The following ABCA7 variants were observed in gnomAD, a reference collection of about 807,000 sequenced individuals.
ABCA7 encodes phospholipid-transporting ATPase ABCA7.
ABCA7 carries 261 observed loss-of-function variants against 227.6 expected under a neutral mutation model. The observed-to-expected ratio is 1.15, with a 90% confidence interval of 1.04 to 1.27. The LOEUF (loss-of-function observed/expected upper bound fraction) is 1.27, where lower values mean the gene tolerates loss of function less well. Ranked by LOEUF, ABCA7 falls within the 50% of genes most tolerant of loss-of-function variation. The pLI, the probability that ABCA7 is intolerant of heterozygous loss-of-function variation, is 0.00. For missense variants in ABCA7, 3,331 were observed against 2,924.5 expected, an observed-to-expected ratio of 1.14 and a Z score of -3.21; for synonymous variants, 1,488 against 1,279.7, an observed-to-expected ratio of 1.16 and a Z score of -3.47.
intron 17 of ABCA7, 55 bp downstream of exon 17, chr19:1,049,060 C>G (rs1047459774): frequency 3.1e-5 from 32 of 1,037,584 alleles, no homozygotes; most frequent in Non-Finnish European, 4.1e-5. Context: ...AGTTCCCCCC[C>G]AAAACGAGAT....
Position 1,042,732 on chromosome 19 carries a change from G to A in ABCA7, c.499-14G>A, listed in dbSNP as rs1269022877. ...GTTCAAAATCATTGTCCCCCTTGTG[G>A]TCTTTCTCCCCAGGAATCCCTGGGG... On this transcript the variant is annotated splice_polypyrimidine_tract_variant and intron_variant, in intron 6 of 46. Coordinates refer to ENST00000263094, the MANE Select transcript of ABCA7 (RefSeq NM_019112.4). 6.2e-7 allele frequency: 1 copy of A among 1,613,100 alleles called. No individual in the cohort carries two copies. Among genetic ancestry groups the A allele is most frequent in the African/African-American group, 1.3e-5 (1 of 74,916 alleles).
chr19:1,062,974 C>T (rs112387446), intron 42 of ABCA7, among the ~76,000 whole-genome samples: 1 of 131,226 alleles, frequency 7.6e-6, no homozygotes, highest in Non-Finnish European at 1.6e-5. Flanking sequence ...ATGCTGGCTC[C>T]ACCCACACCA....
chr19:1,045,146 A>G lies in ABCA7; in HGVS notation c.1360A>G (p.Thr454Ala), dbSNP rs981675380. Residue 454 changes from threonine to alanine, a missense_variant, in exon 12 of 47, where the codon ACC (threonine) becomes GCC (alanine). By Grantham distance (58) the Thr-to-Ala change is moderately conservative (BLOSUM62 0). Transcript: ENST00000263094. ...CTCTTCAGACCCCACAGAGCACCCA[A>G]CCCCAGACCTGGGCCCCGGCCACGT... ...EDSSDPTEHP[T>A]PDLGPGHVRI... 4 of 1,611,948 alleles carry G rather than the reference A, an allele frequency of 2.5e-6. No individual in the cohort carries two copies. The African/African-American group carries it at 4.0e-5, about 16-fold the overall frequency.
Position 1,056,167 on chromosome 19 carries a change from C to G in ABCA7, c.4340C>G (p.Pro1447Arg), listed in dbSNP as rs765567904. 6.2e-7 allele frequency: 1 copy of G among 1,608,926 alleles called. No individual in the cohort carries two copies. The highest frequency in any genetic ancestry group is 2.2e-5 in the East Asian group (1 of 44,868). Residue 1447 changes from proline to arginine, a missense_variant, in exon 32 of 47, where the codon CCT (proline) becomes CGT (arginine). Coordinates refer to ENST00000263094, the MANE Select transcript of ABCA7 (RefSeq NM_019112.4). The surrounding 1 kb of genome is among the most constrained non-coding windows in gnomAD (Gnocchi z 4.3). ...EELWALLSPL[P>R]GGALDRVLKN... ...TTGTGGGCGCTGCTGAGTCCCCTGC[C>G]TGGCGGGGCCCTCGACCGTGTCCTG...
chr19:1,044,219 C>T lies in ABCA7; in HGVS notation c.1048-358C>T, dbSNP rs531885165. ...CCTCCCAAAGTGCTGGGATTACAGG[C>T]GTGAACTACCACGTCCTGCTTTTTT... is the stretch of plus-strand genomic sequence containing the variant. On this transcript the variant is annotated intron_variant, in intron 10 of 46. Coordinates refer to ENST00000263094, the MANE Select transcript of ABCA7 (RefSeq NM_019112.4). Among the ~76,000 whole-genome samples, 82 of 128,786 alleles carry T rather than the reference C, an allele frequency of 6.4e-4. No homozygotes were observed. In the South Asian group the frequency reaches 0.01, roughly 16 times the overall value. The allele number at this position is 128,786 out of a possible 152,430, so 84.5% of individuals were successfully genotyped here.
Position 1,052,038 on chromosome 19 carries a change from G to A in ABCA7, c.3059G>A (p.Gly1020Asp), listed in dbSNP as rs769870429. 6.2e-7 allele frequency: 1 copy of A among 1,612,220 alleles called. No homozygotes were observed. The highest frequency in any genetic ancestry group is 8.5e-7 in the Non-Finnish European group (1 of 1,179,908). Residue 1020 changes from glycine to aspartate, a missense_variant, in exon 22 of 47, where the codon GGC becomes GAC. Coordinates refer to ENST00000263094, the MANE Select transcript of ABCA7 (RefSeq NM_019112.4). The part of the protein sequence containing the change: ...VVAGGRLCCC[G>D]SPLFLRRHLG... The stretch of plus-strand genomic sequence containing the variant: ...GCAGGTGGCCGCTTGTGCTGCTGTG[G>A]CTCCCCACTCTTCCTGCGCCGTCAC...
chr19:1,053,623 A>C (rs958368803), intron 24 of ABCA7, 92 bp downstream of exon 24: 1 of 1,521,802 alleles, frequency 6.6e-7, no homozygotes, highest in African/African-American at 1.4e-5. Flanking sequence ...GTTTATGAGC[A>C]GCAAGGACAT....
At chr19:1,057,823 C>T (rs2042387249) in intron 35 of ABCA7, 92 bp from the exon 36 acceptor site, 1 of 1,476,780 alleles carries the variant, frequency 6.8e-7, no homozygotes, top group South Asian at 1.2e-5. Context: ...ATGTCAAGGT[C>T]TAAGGCAGAG....
Position 1,064,214 on chromosome 19 carries a change from G to A in ABCA7, c.6005G>A (p.Arg2002Gln), listed in dbSNP as rs1568431459. 1 of 1,575,956 alleles carries A rather than the reference G, an allele frequency of 6.3e-7. No individual in the cohort carries two copies. ...CSRLAIMVNGRFRCLGSPQHL... is the reference protein window; with the variant it reads ...CSRLAIMVNGQFRCLGSPQHL... ...CGCCTGGCCATCATGGTGAATGGGC[G>A]GTTCCGCTGCCTGGGCAGCCCGCAA... The change falls in exon 45 of 47, where the codon CGG (arginine) becomes CAG (glutamine). Residue 2002 changes from arginine (R) to glutamine (Q), a missense_variant. Arg to Gln is a conservative substitution (Grantham distance 43, BLOSUM62 1). Transcript: ENST00000263094.
intron 45 of ABCA7, chr19:1,064,600 A>T: frequency 2.4e-6 from 1 of 411,682 alleles, no homozygotes; most frequent in Non-Finnish European, 4.3e-6. Flanking sequence ...GGGCGGGGGT[A>T]TTTATTGTGT....
In ABCA7 at chr19:1,062,271, G is replaced by T. The variant is rs754327335; in HGVS notation, c.5670G>T (p.Leu1890=). The T allele has an allele frequency of 2.5e-6, 4 of 1,610,450 alleles. No individual in the cohort carries two copies. The South Asian group carries it at 4.4e-5, about 18-fold the overall frequency. The change falls in exon 42 of 47, where the codon CTG becomes CTT. Residue 1890 remains leucine, a synonymous_variant. Transcript: ENST00000263094. ...TGACGGGCCGCGAGCACCTGGAGCTGCTTGCGCGCCTGCGCGGTGTCCCGG... is the reference window on the plus strand; with the variant it reads ...TGACGGGCCGCGAGCACCTGGAGCTTCTTGCGCGCCTGCGCGGTGTCCCGG... ...ELLTGREHLE[L]LARLRGVPEA...
Position 1,054,424 on chromosome 19 carries a change from C to G in ABCA7, c.3726+83C>G. 1 of 1,550,830 alleles carries G rather than the reference C, an allele frequency of 6.4e-7. No individual in the cohort carries two copies. Among genetic ancestry groups the G allele is most frequent in the Non-Finnish European group, 8.7e-7 (1 of 1,150,706 alleles). ...CGTCCACTCAGTGGCCTAATCCAAA[C>G]CCTTACCCCCGTGTGTATTCCCAAC... On this transcript the variant is annotated intron_variant, in intron 27 of 46. Transcript: ENST00000263094. The surrounding 1 kb of genome is among the most constrained non-coding windows in gnomAD (Gnocchi z 4.8).
intron 18 of ABCA7, 97 bp from the exon 19 acceptor site, chr19:1,050,824 A>C (rs914022675): frequency 2.7e-6 from 2 of 741,160 alleles, no homozygotes; most frequent in African/African-American, 4.2e-5. Flanking sequence ...ATAATAAATA[A>C]TTAAAAATTT....
rs138839714 is a variant in ABCA7, at chr19:1,065,410, C to T, written c.6426C>T (p.Ala2142=). 22 of 1,613,208 alleles carry T rather than the reference C, an allele frequency of 1.4e-5. No individual in the cohort carries two copies. Among genetic ancestry groups the T allele is most frequent in the Middle Eastern group, 1.6e-4 (1 of 6,084 alleles). ...AGTTCCTCGATGACCCTAGCACTGCCGAGACTGTGCTCTGAGCCTCCCTCC... is the reference window on the plus strand; with the variant it reads ...AGTTCCTCGATGACCCTAGCACTGCTGAGACTGTGCTCTGAGCCTCCCTCC... ...VSQFLDDPST[A]ETVL is the part of the protein sequence containing the mutation. Residue 2142 remains alanine (A), a synonymous_variant, in exon 47 of 47, where the codon GCC becomes GCT. Transcript: ENST00000263094.
rs1368214416 is a variant in ABCA7, at chr19:1,053,277, CTG to C, written c.3221-51_3221-50del. ...CACCAATGCCTCTTCCCCAGGGAGACTGGGGTGGGGCGTGAGCCGGGGCTCCC... is the reference window on the plus strand; with the variant it reads ...CACCAATGCCTCTTCCCCAGGGAGACGGGTGGGGCGTGAGCCGGGGCTCCC... On this transcript the variant is annotated intron_variant, in intron 23 of 46. Transcript: ENST00000263094. The C allele has an allele frequency of 9.7e-6, 15 of 1,553,758 alleles. No individual in the cohort carries two copies. The African/African-American group carries it at 1.6e-4, about 17-fold the overall frequency.
intron 37 of ABCA7, 43 bp downstream of exon 37, chr19:1,058,312 A>G: frequency 1.9e-6 from 3 of 1,608,864 alleles, no homozygotes; most frequent in Non-Finnish European, 2.5e-6. Flanking sequence ...ACAGATAGCT[A>G]GCACCCTTGG....
intron 18 of ABCA7, 103 bp from the exon 19 acceptor site, chr19:1,050,818 T>A (rs1013021253): frequency 1.0e-3 from 669 of 666,076 alleles, no homozygotes; most frequent in Non-Finnish European, 1.3e-3. Flanking sequence ...ATAATAATAA[T>A]AAATAATTAA....
rs1381564903 is a variant in ABCA7, at chr19:1,047,207, G to C, written c.1896G>C (p.Leu632Phe). The change falls in exon 15 of 47, where the codon TTG becomes TTC. Residue 632 changes from leucine (L) to phenylalanine (F), a missense_variant. Transcript: ENST00000263094. ...YSHPGVVFLF[L>F]AAFAVATVTQ... ...ACCCGGGCGTGGTCTTCCTGTTCTT[G>C]GCAGCCTTCGCGGTGGCCACGGTGA... The C allele has an allele frequency of 6.2e-7, 1 of 1,608,952 alleles. No individual in the cohort carries two copies. The highest frequency in any genetic ancestry group is 8.5e-7 in the Non-Finnish European group (1 of 1,179,472).
chr19:1,053,462 AGAGCTAGACACGCGGCTGGCG>A lies in ABCA7; in HGVS notation c.3360_3380del (p.Asp1121_Leu1127del). 1.9e-6 allele frequency: 3 copies of A among 1,598,878 alleles called. No homozygotes were observed. Among genetic ancestry groups the A allele is most frequent in the Non-Finnish European group, 2.6e-6 (3 of 1,174,864 alleles). Reference sequence around the variant, plus strand: ...ACGGCAGCTTCGCCACACTCTTCCGAGAGCTAGACACGCGGCTGGCGGAGCTGAGGCTCACTGGCTACGGGA... The same window carrying A: ...ACGGCAGCTTCGCCACACTCTTCCGAGAGCTGAGGCTCACTGGCTACGGGA... On this transcript the variant is annotated inframe_deletion, in exon 24 of 47. Transcript: ENST00000263094.
Sources: gnomAD v4.1 joint callset for allele counts (sites outside exome capture counted in the v4.1 genomes callset) on GRCh38, gnomAD v4.1.1 for gene constraint, Gnocchi (gnomAD v3.1) non-coding constraint, MANE v1.5 for transcripts, NCBI Gene and HGNC (gene_info 2026-07-23, HGNC 2026-07-21) for gene names.